The following TUFM variants were observed in gnomAD, a reference collection of about 807,000 sequenced individuals.
TUFM encodes the protein elongation factor Tu, mitochondrial.
A neutral mutation model predicts 45.0 loss-of-function variants in TUFM; 23 were observed. The ratio of observed to expected loss-of-function variants is 0.51; its 90% CI spans 0.37 to 0.72. The LOEUF (loss-of-function observed/expected upper bound fraction) is 0.72, where lower values mean the gene tolerates loss of function less well. Ranked by LOEUF, TUFM falls within the 30% of genes least tolerant of loss-of-function variation. The probability of loss-of-function intolerance (pLI) is 0.00; values close to 1 mark genes in which losing one functional copy is unlikely to be tolerated. For synonymous variants in TUFM, 243 were observed against 252.9 expected (o/e 0.96, Z 0.37); for missense variants, 490 against 610.7 (o/e 0.80, Z 2.08).
intron 3 of TUFM, 108 bp downstream of exon 3, chr16:28,845,206 A>C: frequency 6.3e-7 from 1 of 1,595,012 alleles, no homozygotes. Flanking sequence ...CAAACCTGCC[A>C]TCTCATACCC....
At position 28,845,473 on chromosome 16, in the gene TUFM, A is replaced by C. The variant is rs769634878; in HGVS notation, c.255T>G (p.Ala85=). ...TCTTGAACTTAGCCCCACCTCCCTCAGCTAGAACTAAAGGAGGAAAAGAAC... is the reference window on the plus strand; with the variant it reads ...TCTTGAACTTAGCCCCACCTCCCTCCGCTAGAACTAAAGGAGGAAAAGAAC... The part of the protein sequence containing the change: ...TLTAAITKIL[A]EGGGAKFKKY... Residue 85 remains alanine (A), a synonymous_variant, in exon 3 of 10, where the codon GCT becomes GCG. Transcript: ENST00000313511. 1.9e-6 allele frequency: 3 copies of C among 1,614,134 alleles called. No homozygotes were observed. The South Asian group carries it at 3.3e-5, about 18-fold the overall frequency.
In TUFM at chr16:28,844,912, CA is replaced by C. The variant is rs1961896100; in HGVS notation, c.519+38del. On this transcript the variant is annotated intron_variant, in intron 4 of 9. Coordinates refer to ENST00000313511, the MANE Select transcript of TUFM (RefSeq NM_003321.5). The surrounding 1 kb of genome is among the most constrained non-coding windows in gnomAD (Gnocchi z 5.8). ...CAATATACAGAGGGGCCCAACTCCC[CA>C]CTCTTCCCTTTTGCATCCTTACCCA... The C allele has an allele frequency of 6.2e-7, 1 of 1,614,028 alleles. No homozygotes were observed. The highest frequency in any genetic ancestry group is 8.5e-7 in the Non-Finnish European group (1 of 1,180,024).
rs1256255289 is a variant in TUFM, at chr16:28,846,226, T to A, written c.44A>T (p.His15Leu). ...AAATLLRATP[H>L]FSGLAAGRTF... is the part of the protein sequence containing the mutation. Reference sequence around the variant, plus strand: ...CCTCCCTGACCACTCACCGCTGAAGTGGGGCGTCGCGCGCAGCAGGGTGGC... The same window carrying A: ...CCTCCCTGACCACTCACCGCTGAAGAGGGGCGTCGCGCGCAGCAGGGTGGC... The change falls in exon 1 of 10, where the codon CAC (histidine) becomes CTC (leucine). Residue 15 changes from histidine (H) to leucine (L), a missense_variant. Coordinates refer to ENST00000313511, the MANE Select transcript of TUFM (RefSeq NM_003321.5). 1 of 1,575,348 alleles carries A rather than the reference T, an allele frequency of 6.3e-7. No homozygotes were observed. The highest frequency in any genetic ancestry group is 1.9e-5 in the Admixed American group (1 of 53,596).
rs139587300 is a variant in TUFM, at chr16:28,846,069, C to G, written c.90G>C (p.Leu30=). ...AAGRTFLLQG[L]LRLLKAPALP... ...ATGCCGGGGCTTTCAGCAGCCGCAACAGACCCTGCAGCAGGAAGGTCCGGC... is the reference window on the plus strand; with the variant it reads ...ATGCCGGGGCTTTCAGCAGCCGCAAGAGACCCTGCAGCAGGAAGGTCCGGC... Residue 30 remains leucine, a synonymous_variant, in exon 2 of 10, where the codon CTG becomes CTC. Coordinates refer to ENST00000313511, the MANE Select transcript of TUFM (RefSeq NM_003321.5). The G allele has an allele frequency of 6.2e-7, 1 of 1,613,820 alleles. No individual in the cohort carries two copies. The highest frequency in any genetic ancestry group is 8.5e-7 in the Non-Finnish European group (1 of 1,179,968).
chr16:28,844,319 A>G lies in TUFM; in HGVS notation c.833T>C (p.Val278Ala), dbSNP rs1961875571. 6.2e-7 allele frequency: 1 copy of G among 1,614,002 alleles called. No homozygotes were observed. Among genetic ancestry groups the G allele is most frequent in the African/African-American group, 1.3e-5 (1 of 74,892 alleles). The change falls in exon 7 of 10, where the codon GTG (valine) becomes GCG (alanine). Residue 278 changes from valine (V) to alanine (A), a missense_variant. Transcript: ENST00000313511. The surrounding 1 kb of genome is among the most constrained non-coding windows in gnomAD (Gnocchi z 5.8). ...AATGCCACGCTCTAGTGTACCTGTC[A>G]CCACGGTGCCACGGCCTGGGAGGGA... ...VYSVPGRGTVVTGTLERGILK... is the reference protein window; with the variant it reads ...VYSVPGRGTVATGTLERGILK...
Position 28,844,996 on chromosome 16 carries a change from G to A in TUFM, c.474C>T (p.Asp158=), listed in dbSNP as rs925760140. The part of the protein sequence containing the change: ...DGCILVVAAN[D]GPMPQTREHL... ...GCTCTCGGGTCTGGGGCATGGGGCC[G>A]TCATTGGCTGCTACCACCAGGATGC... is the stretch of plus-strand genomic sequence containing the variant. Residue 158 remains aspartate (D), a synonymous_variant, in exon 4 of 10, where the codon GAC becomes GAT. Transcript: ENST00000313511. This position sits in a 1 kb window ranked among gnomAD's most constrained non-coding sequence, Gnocchi z 5.8. The A allele has an allele frequency of 7.4e-6, 12 of 1,614,018 alleles. No homozygotes were observed. Among genetic ancestry groups the A allele is most frequent in the African/African-American group, 6.7e-5 (5 of 74,912 alleles).
At position 28,844,597 on chromosome 16, in the gene TUFM, C is replaced by T. The variant is rs779912290; in HGVS notation, c.685-46G>A. ...GACTCTGAAATCCCCATTCTACTTCCCTCGATTATCAAGAGCCACTTCCCA... is the reference window on the plus strand; with the variant it reads ...GACTCTGAAATCCCCATTCTACTTCTCTCGATTATCAAGAGCCACTTCCCA... On this transcript the variant is annotated intron_variant, in intron 5 of 9. Coordinates refer to ENST00000313511, the MANE Select transcript of TUFM (RefSeq NM_003321.5). The surrounding 1 kb of genome is among the most constrained non-coding windows in gnomAD (Gnocchi z 5.8). 8.1e-6 allele frequency: 13 copies of T among 1,613,062 alleles called. No individual in the cohort carries two copies. Among genetic ancestry groups the T allele is most frequent in the Admixed American group, 1.7e-5 (1 of 60,004 alleles).
intron 9 of TUFM, among the ~76,000 whole-genome samples, 171 bp downstream of exon 9, chr16:28,843,565 C>T (rs565107058): frequency 6.6e-6 from 1 of 152,186 alleles, no homozygotes; most frequent in African/African-American, 2.4e-5. Context: ...ACTCCCGCCC[C>T]TAAGTCCATG....
chr16:28,845,277 C>T lies in TUFM; in HGVS notation c.414+37G>A, dbSNP rs761744708. The T allele has an allele frequency of 2.5e-6, 4 of 1,613,702 alleles. No homozygotes were observed. In the Admixed American group the frequency reaches 5.0e-5, roughly 20 times the overall value. ...TAACATTTATCCTGACAAGAGGCAG[C>T]TTCTGGCCCTGTCTCCAGTGTCCCA... On this transcript the variant is annotated intron_variant, in intron 3 of 9. Transcript: ENST00000313511.
Position 28,842,656 on chromosome 16 carries a change from A to G in TUFM, c.*319T>C, listed in dbSNP as rs1961831775. On this transcript the variant is annotated 3_prime_UTR_variant, in exon 10 of 10. Transcript: ENST00000313511. ...TCCTACTGTGTCTAGGCAATCACTA[A>G]GCTCACTGGACTTGATTTATCCGTT... The G allele has an allele frequency of 9.8e-6, 4 of 407,706 alleles. No homozygotes were observed. Among genetic ancestry groups the G allele is most frequent in the South Asian group, 8.8e-5 (4 of 45,594 alleles). The allele number at this position is 407,706 out of a possible 1,614,324, so 25.3% of individuals were successfully genotyped here.
At position 28,845,285 on chromosome 16, in the gene TUFM, C is replaced by T. The variant is rs764921116; in HGVS notation, c.414+29G>A. 4 of 1,613,934 alleles carry T rather than the reference C, an allele frequency of 2.5e-6. No homozygotes were observed. In the Admixed American group the frequency reaches 5.0e-5, roughly 20 times the overall value. On this transcript the variant is annotated intron_variant, in intron 3 of 9. Coordinates refer to ENST00000313511, the MANE Select transcript of TUFM (RefSeq NM_003321.5). The stretch of plus-strand genomic sequence containing the variant: ...ATCCTGACAAGAGGCAGCTTCTGGC[C>T]CTGTCTCCAGTGTCCCAGCAACCCT...
chr16:28,844,073 C>T lies in TUFM; in HGVS notation c.951G>A (p.Glu317=), dbSNP rs373089829. 5.0e-6 allele frequency: 8 copies of T among 1,614,072 alleles called. No individual in the cohort carries two copies. The highest frequency in any genetic ancestry group is 6.8e-6 in the Non-Finnish European group (8 of 1,180,056). The change falls in exon 8 of 10, where the codon GAG becomes GAA. Residue 317 remains glutamate (E), a synonymous_variant. Transcript: ENST00000313511. This position sits in a 1 kb window ranked among gnomAD's most constrained non-coding sequence, Gnocchi z 5.8. ...TGIEMFHKSL[E]RAEAGDNLGA... ...CGAGGTTATCTCCGGCCTCGGCCCT[C>T]TCCAGGCTCTTGTGGAACATCTCAA... is the stretch of plus-strand genomic sequence containing the variant.
chr16:28,845,093 G>A (rs1217942893), intron 3 of TUFM, 38 bp from the exon 4 acceptor site: 3 of 1,606,568 alleles, frequency 1.9e-6, no homozygotes, highest in Admixed American at 1.7e-5. Flanking sequence ...CAAGTTCAAC[G>A]AGCTCTTCAG....
Position 28,845,361 on chromosome 16 carries a change from G to C in TUFM, c.367C>G (p.Arg123Gly), listed in dbSNP as rs1478148919. The change falls in exon 3 of 10, where the codon CGC (arginine) becomes GGC (glycine). Residue 123 changes from arginine to glycine, a missense_variant. Physicochemically the swap from Arg to Gly is moderately radical, Grantham distance 125 (BLOSUM62 -2). Coordinates refer to ENST00000313511, the MANE Select transcript of TUFM (RefSeq NM_003321.5). Reference sequence around the variant, plus strand: ...GGGCAGTCTGTGTGGGCGTAGTGGCGGGCGGCAGTGCTATACTCCACATGA... The same window carrying C: ...GGGCAGTCTGTGTGGGCGTAGTGGCCGGCGGCAGTGCTATACTCCACATGA... ...AAHVEYSTAA[R>G]HYAHTDCPGH... 6.2e-7 allele frequency: 1 copy of C among 1,614,016 alleles called. No individual in the cohort carries two copies. The highest frequency in any genetic ancestry group is 8.5e-7 in the Non-Finnish European group (1 of 1,179,998).
Position 28,844,154 on chromosome 16 carries a change from A to C in TUFM, c.923-53T>G. The C allele has an allele frequency of 1.2e-6, 2 of 1,613,896 alleles. No homozygotes were observed. Among genetic ancestry groups the C allele is most frequent in the East Asian group, 4.5e-5 (2 of 44,886 alleles). ...GAGAAGGAAGGCGAATGTGAGACAG[A>C]GGGAAGGCACAAGGGATCTGCCGGG... On this transcript the variant is annotated intron_variant, in intron 7 of 9. Transcript: ENST00000313511. The surrounding 1 kb of genome is among the most constrained non-coding windows in gnomAD (Gnocchi z 5.8).
In TUFM at chr16:28,845,441, T is replaced by C; in HGVS notation, c.287A>G (p.Glu96Gly). 1 of 1,614,110 alleles carries C rather than the reference T, an allele frequency of 6.2e-7. No homozygotes were observed. The highest frequency in any genetic ancestry group is 1.3e-5 in the African/African-American group (1 of 75,018). The change falls in exon 3 of 10, where the codon GAG (glutamate) becomes GGG (glycine). Residue 96 changes from glutamate (E) to glycine (G), a missense_variant. Physicochemically the swap from Glu to Gly is moderately conservative, Grantham distance 98 (BLOSUM62 -2). Coordinates refer to ENST00000313511, the MANE Select transcript of TUFM (RefSeq NM_003321.5). ...CTCCTCCGGGGCATTGTCAATCTCC[T>C]CGTACTTCTTGAACTTAGCCCCACC... The part of the protein sequence containing the change: ...EGGGAKFKKY[E>G]EIDNAPEERA...
chr16:28,842,991 T>C lies in TUFM; in HGVS notation c.1352A>G (p.Asn451Ser), dbSNP rs750600549. The change falls in exon 10 of 10, where the codon AAT (asparagine) becomes AGT (serine). Residue 451 changes from asparagine (N) to serine (S), a missense_variant. Asn to Ser is a conservative substitution (Grantham distance 46). Coordinates refer to ENST00000313511, the MANE Select transcript of TUFM (RefSeq NM_003321.5). ...NTLAMTEEEK[N>S]IKWG Reference sequence around the variant, plus strand: ...TCTGCACACTCAACCCCATTTGATATTCTTCTCCTCCTCAGTCATGGCCAG... The same window carrying C: ...TCTGCACACTCAACCCCATTTGATACTCTTCTCCTCCTCAGTCATGGCCAG... 2.5e-6 allele frequency: 4 copies of C among 1,614,068 alleles called. No individual in the cohort carries two copies. In the African/African-American group the frequency reaches 5.3e-5, roughly 22 times the overall value.
In TUFM at chr16:28,845,032, G is replaced by C. The variant is rs1022455883; in HGVS notation, c.438C>G (p.Pro146=). The part of the protein sequence containing the change: ...YVKNMITGTA[P]LDGCILVVAA... ...CTACCACCAGGATGCAGCCGTCGAG[G>C]GGTGCAGTGCCTGTGATCATATTCT... The change falls in exon 4 of 10, where the codon CCC becomes CCG. Residue 146 remains proline, a synonymous_variant. Coordinates refer to ENST00000313511, the MANE Select transcript of TUFM (RefSeq NM_003321.5). 1 of 1,614,068 alleles carries C rather than the reference G, an allele frequency of 6.2e-7. No individual in the cohort carries two copies. The highest frequency in any genetic ancestry group is 1.3e-5 in the African/African-American group (1 of 74,934).
chr16:28,845,059 G>A lies in TUFM; in HGVS notation c.415-4C>T. The A allele has an allele frequency of 6.2e-7, 1 of 1,613,948 alleles. No homozygotes were observed. Among genetic ancestry groups the A allele is most frequent in the South Asian group, 1.1e-5 (1 of 91,056 alleles). ...GTGCAGTGCCTGTGATCATATTCTGGAGAGGAGAAGGAAAGGAAACAGCCA... is the reference window on the plus strand; with the variant it reads ...GTGCAGTGCCTGTGATCATATTCTGAAGAGGAGAAGGAAAGGAAACAGCCA... On this transcript the variant is annotated splice_polypyrimidine_tract_variant and splice_region_variant and intron_variant, in intron 3 of 9. Coordinates refer to ENST00000313511, the MANE Select transcript of TUFM (RefSeq NM_003321.5).
Sources: allele counts gnomAD v4.1 joint callset (sites outside exome capture counted in the v4.1 genomes callset), GRCh38; gene constraint gnomAD v4.1.1; non-coding constraint Gnocchi (gnomAD v3.1); transcripts MANE v1.5; gene names NCBI Gene and HGNC (gene_info 2026-07-23, HGNC 2026-07-21).